RABGAP1L: variants seen among roughly 807,000 people sequenced by gnomAD.
RABGAP1L encodes RAB GTPase activating protein 1 like.
Under a neutral mutation model 137.7 loss-of-function variants are expected in RABGAP1L, and 63 were observed. The observed-to-expected ratio is 0.46, with a 90% CI of 0.37 to 0.56. The LOEUF is 0.56. Among genes scored for constraint, RABGAP1L ranks in the 20% least tolerant of loss-of-function variants. The pLI is 0.00. For synonymous variants in RABGAP1L, 431 were observed against 433.7 expected (o/e 0.99, Z 0.08); for missense variants, 1,095 against 1,244.0 (o/e 0.88, Z 1.80).
intron 13 of RABGAP1L, among the ~76,000 whole-genome samples, chr1:174,546,322 A>C (rs911158560): frequency 6.6e-6 from 1 of 152,240 alleles, no homozygotes; most frequent in African/African-American, 2.4e-5. Context: ...AAAAAATTTT[A>C]AAGTACAGGT....
intron 13 of RABGAP1L, among the ~76,000 whole-genome samples, chr1:174,606,082 T>A (rs141326060): frequency 0.023 from 3,433 of 152,280 alleles, 61 homozygotes; most frequent in Middle Eastern, 0.085. Context: ...TTATAACAAG[T>A]TAGGGAGAAT....
chr1:174,842,816 CA>C (rs1470946073), intron 19 of RABGAP1L, among the ~76,000 whole-genome samples: 1 of 152,110 alleles, frequency 6.6e-6, no homozygotes, highest in African/African-American at 2.4e-5. Context: ...CATTAACATC[CA>C]AAACTATATA....
intron 13 of RABGAP1L, among the ~76,000 whole-genome samples, chr1:174,509,821 A>G (rs1308360315): frequency 6.6e-6 from 1 of 152,192 alleles, no homozygotes; most frequent in Non-Finnish European, 1.5e-5. Context: ...TCACTACCTC[A>G]GTTCATGACA....
intron 13 of RABGAP1L, among the ~76,000 whole-genome samples, chr1:174,564,439 A>G (rs1667433326): frequency 1.3e-5 from 2 of 152,134 alleles, no homozygotes; most frequent in South Asian, 4.1e-4. Context: ...CCTCACAGCA[A>G]CCCATAAGAT....
chr1:174,631,397 T>G (rs1019017359), intron 13 of RABGAP1L, among the ~76,000 whole-genome samples: 1 of 124,414 alleles, frequency 8.0e-6, no homozygotes, highest in South Asian at 2.4e-4. Context: ...GTTCTGTAGA[T>G]GTCTATTAGG....
chr1:174,385,840 G>C (rs113785965), intron 12 of RABGAP1L, among the ~76,000 whole-genome samples: 1 of 152,224 alleles, frequency 6.6e-6, no homozygotes, highest in Non-Finnish European at 1.5e-5. Flanking sequence ...GGAGAGGCAG[G>C]AATGAAAGCC....
rs563276261 is a variant in RABGAP1L, at chr1:174,534,447, C to T, written c.1711-102928C>T. Among the ~76,000 whole-genome samples, 23 of 151,720 alleles carry T rather than the reference C, an allele frequency of 1.5e-4. 1 individual carries two copies. In the East Asian group the frequency reaches 2.3e-3, roughly 15 times the overall value. On this transcript the variant is annotated intron_variant, in intron 13 of 25. Transcript: ENST00000681986. Reference sequence around the variant, plus strand: ...GATGGTTTAATTTATAATGTTTGCACGGGAGATTAAAAACAATAACTAATA... The same window carrying T: ...GATGGTTTAATTTATAATGTTTGCATGGGAGATTAAAAACAATAACTAATA...
chr1:174,550,056 A>G (rs1226537011), intron 13 of RABGAP1L, among the ~76,000 whole-genome samples: 2 of 152,278 alleles, frequency 1.3e-5, no homozygotes, highest in East Asian at 3.9e-4. Context: ...AATAATAATA[A>G]CATTTTAAAA....
At chr1:174,723,040 C>T (rs1008823795) in intron 17 of RABGAP1L, among the ~76,000 whole-genome samples, 13 of 152,080 alleles carry the variant, frequency 8.5e-5, no homozygotes, top group African/African-American at 3.1e-4. Context: ...TAGACAGACT[C>T]TTGCATTATG....
At chr1:174,509,813 A>G (rs1447268094) in intron 13 of RABGAP1L, among the ~76,000 whole-genome samples, 1 of 152,172 alleles carries the variant, frequency 6.6e-6, no homozygotes, top group Non-Finnish European at 1.5e-5. Context: ...CACAGCCTTC[A>G]CTACCTCAGT....
intron 18 of RABGAP1L, among the ~76,000 whole-genome samples, chr1:174,759,245 A>G (rs998648713): frequency 6.6e-6 from 1 of 150,886 alleles, no homozygotes; most frequent in African/African-American, 2.4e-5. Context: ...TCATTCTTGC[A>G]TTGCTATAAA....
chr1:174,463,225 C>A (rs545963312), intron 13 of RABGAP1L, among the ~76,000 whole-genome samples: 1 of 151,898 alleles, frequency 6.6e-6, no homozygotes, highest in Admixed American at 6.6e-5. Flanking sequence ...ATGTTTATTG[C>A]GGCACTATTC....
At chr1:174,217,235 A>G (rs1669404987) in intron 1 of RABGAP1L, among the ~76,000 whole-genome samples, 1 of 152,136 alleles carries the variant, frequency 6.6e-6, no homozygotes, top group Non-Finnish European at 1.5e-5. Context: ...TTTGGAGGAG[A>G]CATTAGGAAT....
chr1:174,938,296 C>T (rs1665251695), intron 19 of RABGAP1L, among the ~76,000 whole-genome samples: 1 of 152,138 alleles, frequency 6.6e-6, no homozygotes, highest in African/African-American at 2.4e-5. Context: ...GTGTTCCCAC[C>T]CTGTGGGTAG....
chr1:174,294,654 A>T (rs1676944309), intron 10 of RABGAP1L, among the ~76,000 whole-genome samples: 1 of 152,192 alleles, frequency 6.6e-6, no homozygotes, highest in Admixed American at 6.5e-5. Flanking sequence ...AAAAGTAAGA[A>T]GGCTATTGTG....
At chr1:174,645,234 T>TTA (rs1674866549) in intron 14 of RABGAP1L, among the ~76,000 whole-genome samples, 1 of 151,988 alleles carries the variant, frequency 6.6e-6, no homozygotes, top group African/African-American at 2.4e-5. Flanking sequence ...AGATTATGTA[T>TTA]TATATATATC....
chr1:174,807,948 AAACAACAACAAC>A (rs10645289), intron 18 of RABGAP1L, among the ~76,000 whole-genome samples: 12 of 141,118 alleles, frequency 8.5e-5, no homozygotes, highest in South Asian at 2.3e-4. Context: ...AAACAAAACA[AAACAACAACAAC>A]AACAACAACA....
chr1:174,195,785 T>TTTTCTTTCTTTCTTTCTTTCTTTC (rs201234883), intron 1 of RABGAP1L, among the ~76,000 whole-genome samples: 50 of 112,860 alleles, frequency 4.4e-4, no homozygotes, highest in African/African-American at 1.7e-3. Context: ...CCTTTCTTTC[T>TTTTCTTTCTTTCTTTCTTTCTTTC]TTTCTTTCTT....
intron 1 of RABGAP1L, among the ~76,000 whole-genome samples, chr1:174,177,407 A>G (rs1044901953): frequency 3.9e-5 from 6 of 152,064 alleles, no homozygotes; most frequent in African/African-American, 1.4e-4. Flanking sequence ...TAGATTGCAA[A>G]AATTTTCTCC....
Sources: allele counts gnomAD v4.1 joint callset (sites outside exome capture counted in the v4.1 genomes callset), GRCh38; gene constraint gnomAD v4.1.1; transcripts MANE v1.5; gene names NCBI Gene and HGNC (gene_info 2026-07-23, HGNC 2026-07-21).